Variants in SRL observed in about 807,000 individuals in gnomAD.
The protein encoded by SRL is sarcalumenin.
A neutral mutation model predicts 39.5 loss-of-function variants in SRL; 23 were observed. That is an observed-to-expected ratio of 0.58 (90% CI 0.42 to 0.82). SRL has a LOEUF of 0.82. Among genes scored for constraint, SRL ranks in the 40% least tolerant of loss-of-function variants. The pLI is 0.00. For synonymous variants in SRL, 272 were observed against 237.4 expected (o/e 1.15, Z -1.34); for missense variants, 592 against 607.8 (o/e 0.97, Z 0.27).
chr16:4,208,545 A>T (rs988366294), intron 1 of SRL, among the ~76,000 whole-genome samples: 3 of 152,196 alleles, frequency 2.0e-5, no homozygotes, highest in African/African-American at 7.2e-5. Context: ...CCAAGAAGGG[A>T]CAAATGCTTG....
intron 3 of SRL, among the ~76,000 whole-genome samples, chr16:4,201,560 A>C (rs2052231159): frequency 7.3e-6 from 1 of 137,798 alleles, no homozygotes; most frequent in Non-Finnish European, 1.5e-5. Flanking sequence ...TATAGGTGTG[A>C]GCCACTGTGC....
intron 3 of SRL, among the ~76,000 whole-genome samples, chr16:4,198,152 C>T (rs1433754509): frequency 6.6e-6 from 1 of 152,196 alleles, no homozygotes; most frequent in African/African-American, 2.4e-5. Flanking sequence ...CTGCCCCCAC[C>T]ACAAGAAGGA....
At chr16:4,220,309 A>ACACACACACACACACACACACAC (rs1567185106) in intron 1 of SRL, among the ~76,000 whole-genome samples, 2 of 151,140 alleles carry the variant, frequency 1.3e-5, no homozygotes, top group East Asian at 1.9e-4. Flanking sequence ...ACACACACAC[A>ACACACACACACACACACACACAC]AATAACCGGG....
At chr16:4,228,966 G>A (rs753933563) in intron 1 of SRL, among the ~76,000 whole-genome samples, 1 of 152,108 alleles carries the variant, frequency 6.6e-6, no homozygotes, top group Non-Finnish European at 1.5e-5. Flanking sequence ...CTTCTAGAGA[G>A]GGAGAGGTCA....
At chr16:4,199,813 CAGCCTCCCAAGCAGCTGGGACTACA>C (rs1212906612) in intron 3 of SRL, among the ~76,000 whole-genome samples, 1 of 150,604 alleles carries the variant, frequency 6.6e-6, no homozygotes, top group Non-Finnish European at 1.5e-5. Flanking sequence ...TCTCCTGCCT[CAGCCTCCCAAGCAGCTGGGACTACA>C]GGTGCGTGCC....
At chr16:4,205,598 A>G (rs1264940854) in intron 1 of SRL, among the ~76,000 whole-genome samples, 1 of 151,996 alleles carries the variant, frequency 6.6e-6, no homozygotes, top group Non-Finnish European at 1.5e-5. Flanking sequence ...ACCAGTGGAG[A>G]GAAGCGTTCT....
intron 1 of SRL, among the ~76,000 whole-genome samples, chr16:4,214,495 T>C (rs2052431377): frequency 6.6e-6 from 1 of 152,204 alleles, no homozygotes; most frequent in Non-Finnish European, 1.5e-5. Context: ...GCACCAGCCA[T>C]GGCATACATG....
At chr16:4,211,742 GTGA>G (rs1285758715) in intron 1 of SRL, among the ~76,000 whole-genome samples, 14 of 149,134 alleles carry the variant, frequency 9.4e-5, no homozygotes, top group African/African-American at 2.7e-4. Flanking sequence ...GATGAGGATC[GTGA>G]TGATGATGAT....
At chr16:4,225,094 A>G (rs1313344544) in intron 1 of SRL, among the ~76,000 whole-genome samples, 1 of 152,136 alleles carries the variant, frequency 6.6e-6, no homozygotes, top group African/African-American at 2.4e-5. Context: ...GCAGGGAGGA[A>G]TGGATGGTGG....
In SRL at chr16:4,199,369, T is replaced by A. The variant is rs1236458291; in HGVS notation, c.260-1454A>T. Among the ~76,000 whole-genome samples, 651 of 98,186 alleles carry A rather than the reference T, an allele frequency of 6.6e-3. 4 individuals carry two copies. Among genetic ancestry groups the A allele is most frequent in the African/African-American group, 0.054 (635 of 11,754 alleles). 64.4% of individuals were successfully genotyped at this position (98,186 alleles called of 152,430 possible). A position where few individuals can be genotyped will look rare whatever the true frequency, so the allele number is the denominator to read the frequency against. On this transcript the variant is annotated intron_variant, in intron 3 of 5. Transcript: ENST00000399609. ...GTAGCTAACATATTCCCCATCTTTT[T>A]TTTTTTTTTTTTTTTTTTTTGAGAC...
intron 1 of SRL, among the ~76,000 whole-genome samples, chr16:4,241,591 G>A (rs550760695): frequency 5.3e-5 from 8 of 152,286 alleles, no homozygotes; most frequent in South Asian, 2.1e-4. Flanking sequence ...TCTCTTACCC[G>A]AGTGGGGCCT....
At chr16:4,215,110 G>A (rs750519998) in intron 1 of SRL, among the ~76,000 whole-genome samples, 1 of 152,218 alleles carries the variant, frequency 6.6e-6, no homozygotes, top group Non-Finnish European at 1.5e-5. Flanking sequence ...CTTTGCAGAA[G>A]GCTGTTGCCC....
At chr16:4,204,510 G>C in intron 2 of SRL, 23 bp downstream of exon 2, 1 of 1,606,230 alleles carries the variant, frequency 6.2e-7, no homozygotes. Context: ...CCAGCCCTGG[G>C]CATATCTCCC....
At chr16:4,201,647 TTGTTTG>T (rs1180225258) in intron 3 of SRL, among the ~76,000 whole-genome samples, 1 of 128,624 alleles carries the variant, frequency 7.8e-6, no homozygotes, top group Non-Finnish European at 1.6e-5. Context: ...TTTTGTTTGT[TTGTTTG>T]TTTGTTTGTT....
At chr16:4,219,853 C>T (rs983528666) in intron 1 of SRL, among the ~76,000 whole-genome samples, 1 of 151,966 alleles carries the variant, frequency 6.6e-6, no homozygotes, top group East Asian at 1.9e-4. Context: ...CAGAGGCATG[C>T]AGGAATGGTT....
chr16:4,215,089 T>C (rs2052441477), intron 1 of SRL, among the ~76,000 whole-genome samples: 1 of 152,180 alleles, frequency 6.6e-6, no homozygotes, highest in Non-Finnish European at 1.5e-5. Context: ...TTAGATGAAG[T>C]CTTAGGACAA....
chr16:4,195,356 CT>C (rs1427910212), intron 5 of SRL, among the ~76,000 whole-genome samples, 196 bp downstream of exon 5: 1 of 152,132 alleles, frequency 6.6e-6, no homozygotes, highest in Non-Finnish European at 1.5e-5. Flanking sequence ...GCGAACATGC[CT>C]GGCTATTGTT....
intron 1 of SRL, among the ~76,000 whole-genome samples, chr16:4,231,892 G>A (rs932349380): frequency 2.0e-5 from 3 of 152,148 alleles, no homozygotes; most frequent in South Asian, 2.1e-4. Context: ...TTAAGCATCC[G>A]ATAGCCATTT....
intron 5 of SRL, 134 bp from the exon 6 acceptor site, chr16:4,193,098 A>T: frequency 1.3e-6 from 1 of 742,166 alleles, no homozygotes; most frequent in Non-Finnish European, 2.1e-6. Flanking sequence ...TCTACAGACT[A>T]TTAAAAAATC....
Sources: allele counts gnomAD v4.1 joint callset (sites outside exome capture counted in the v4.1 genomes callset), GRCh38; gene constraint gnomAD v4.1.1; transcripts MANE v1.5; gene names NCBI Gene and HGNC (gene_info 2026-07-23, HGNC 2026-07-21).